The following AFF3 variants were observed in gnomAD, a reference collection of about 807,000 sequenced individuals.
AFF3 encodes AF4/FMR2 family member 3.
Under a neutral mutation model 129.7 loss-of-function variants are expected in AFF3, and 32 were observed. The observed-to-expected ratio is 0.25, with a 90% CI of 0.19 to 0.33. AFF3 has a LOEUF of 0.33. AFF3 is among the 10% of genes least tolerant of loss of function. The pLI, the probability that AFF3 is intolerant of heterozygous loss-of-function variation, is 1.00. For synonymous variants in AFF3, 644 were observed against 635.4 expected (o/e 1.01, Z -0.20); for missense variants, 1,373 against 1,592.0 (o/e 0.86, Z 2.34).
chr2:99,869,532 A>T (rs552685617), intron 7 of AFF3, among the ~76,000 whole-genome samples: 25 of 152,298 alleles, frequency 1.6e-4, no homozygotes, highest in Admixed American at 1.6e-3. Context: ...GGAAATTATG[A>T]AGTTTGGGGA....
intron 4 of AFF3, among the ~76,000 whole-genome samples, chr2:100,084,938 T>C (rs574112318): frequency 2.7e-5 from 4 of 149,452 alleles, no homozygotes; most frequent in East Asian, 4.0e-4. Context: ...AGTGTTTTCA[T>C]TGGTTGTCCA....
intron 4 of AFF3, among the ~76,000 whole-genome samples, chr2:100,012,106 G>T (rs768436534): frequency 2.6e-5 from 4 of 152,030 alleles, no homozygotes; most frequent in Non-Finnish European, 5.9e-5. Flanking sequence ...ACACCCTCAG[G>T]ACCACTTACT....
intron 12 of AFF3, among the ~76,000 whole-genome samples, chr2:99,652,701 A>G (rs1163756517): frequency 1.3e-5 from 2 of 152,130 alleles, no homozygotes; most frequent in African/African-American, 4.8e-5. Context: ...CCTCCGGCTT[A>G]GTTTCCAAAC....
chr2:100,047,017 T>TA (rs1447888035), intron 4 of AFF3, among the ~76,000 whole-genome samples: 2 of 130,024 alleles, frequency 1.5e-5, no homozygotes, highest in African/African-American at 2.9e-5. Flanking sequence ...ACTTTAAAAA[T>TA]ACAGATCTAC....
At chr2:99,883,746 T>G (rs1692900664) in intron 7 of AFF3, among the ~76,000 whole-genome samples, 2 of 152,234 alleles carry the variant, frequency 1.3e-5, no homozygotes, top group South Asian at 4.1e-4. Context: ...CAGAGAGCCT[T>G]CTACTGAGTC....
rs371950135 is a variant in AFF3 at position 99,872,170 on chromosome 2, C to G, written c.874-34646G>C. ...GCAGTGAGCCGAGATCGCGCCACTGCACTCTCCAGCCTGGGCAACACAGCG... is the reference window on the plus strand; with the variant it reads ...GCAGTGAGCCGAGATCGCGCCACTGGACTCTCCAGCCTGGGCAACACAGCG... On this transcript the variant is annotated intron_variant, in intron 7 of 24. Transcript: ENST00000672756. 1.6e-4 allele frequency among the ~76,000 whole-genome samples: 22 copies of G among 134,292 alleles called. 1 individual carries two copies. In the East Asian group the frequency reaches 5.0e-3, roughly 31 times the overall value. The allele number at this position is 134,292 out of a possible 152,430, so 88.1% of individuals were successfully genotyped here.
intron 4 of AFF3, among the ~76,000 whole-genome samples, chr2:100,055,416 C>T (rs1686682512): frequency 1.3e-5 from 2 of 150,008 alleles, no homozygotes; most frequent in South Asian, 2.1e-4. Context: ...CCCTCCTGGC[C>T]AGTGGTCTCC....
At chr2:100,029,607 TAGTC>T (rs1423332514) in intron 4 of AFF3, among the ~76,000 whole-genome samples, 3 of 151,916 alleles carry the variant, frequency 2.0e-5, no homozygotes, top group African/African-American at 7.3e-5. Context: ...GAACCTAGGG[TAGTC>T]AAATTCATTG....
At chr2:99,821,755 AT>A (rs1192216467) in intron 8 of AFF3, among the ~76,000 whole-genome samples, 1 of 152,188 alleles carries the variant, frequency 6.6e-6, no homozygotes, top group African/African-American at 2.4e-5. Flanking sequence ...GCAGTGAGTA[AT>A]GCCTTGTGCT....
At chr2:100,118,741 T>C (rs183781893) in intron 2 of AFF3, among the ~76,000 whole-genome samples, 5 of 152,252 alleles carry the variant, frequency 3.3e-5, no homozygotes, top group Non-Finnish European at 7.4e-5. Context: ...GTTTATGCTG[T>C]AGAACTCAGC....
chr2:99,600,971 CCTT>C (rs1242719656), intron 14 of AFF3, among the ~76,000 whole-genome samples: 5 of 152,144 alleles, frequency 3.3e-5, no homozygotes, highest in East Asian at 3.9e-4. Context: ...TATTTATAGC[CCTT>C]CTTCTTCTGA....
In AFF3 at chr2:99,546,096, G is replaced by A. The variant is rs1674066064; in HGVS notation, c.*5378C>T. 2 of 227,480 alleles carry A rather than the reference G, an allele frequency of 8.8e-6. No individual in the cohort carries two copies. The highest frequency in any genetic ancestry group is 5.7e-5 in the Admixed American group (1 of 17,586). The allele number at this position is 227,480 out of a possible 1,614,324, so 14.1% of individuals were successfully genotyped here. A position where few individuals can be genotyped will look rare whatever the true frequency, so the allele number is the denominator to read the frequency against. On this transcript the variant is annotated 3_prime_UTR_variant, in exon 25 of 25. Coordinates refer to ENST00000672756, the MANE Select transcript of AFF3 (RefSeq NM_001386135.1). ...TTGGAAGTGCAGTTTATGTGGTCAG[G>A]TTGTTTTTCCCCTTTCATTAAAAAA...
chr2:99,577,295 C>G (rs549333418), intron 18 of AFF3, among the ~76,000 whole-genome samples: 1 of 152,104 alleles, frequency 6.6e-6, no homozygotes. Flanking sequence ...GATGGAGGAG[C>G]GGGGCGGACG....
chr2:99,898,301 C>T (rs192785525), intron 7 of AFF3, among the ~76,000 whole-genome samples: 27 of 152,332 alleles, frequency 1.8e-4, no homozygotes, highest in Admixed American at 1.4e-3. Flanking sequence ...ACGTCAAACG[C>T]CATATGGGAT....
chr2:99,648,396 A>G (rs1684885242), intron 13 of AFF3, among the ~76,000 whole-genome samples: 1 of 152,184 alleles, frequency 6.6e-6, no homozygotes, highest in Non-Finnish European at 1.5e-5. Flanking sequence ...AGAAATGACT[A>G]TGTTATATTC....
chr2:99,881,955 T>G (rs946585540), intron 7 of AFF3, among the ~76,000 whole-genome samples: 2 of 152,196 alleles, frequency 1.3e-5, no homozygotes, highest in African/African-American at 4.8e-5. Context: ...CAGAAGTGAC[T>G]GAACAGCTCT....
At chr2:99,805,307 TTAAG>T (rs1686252933) in intron 8 of AFF3, among the ~76,000 whole-genome samples, 1 of 152,186 alleles carries the variant, frequency 6.6e-6, no homozygotes, top group Admixed American at 6.5e-5. Flanking sequence ...CTCTCTTCGT[TTAAG>T]TTCAACTTAA....
rs141898950 is a variant in AFF3, at chr2:99,720,274, T to C, written c.1091+6803A>G. ...GAGGGTGGTGTCTGGGTCATGGGCA[T>C]GGATGCCTCATAAACAGATTAATGT... is the stretch of plus-strand genomic sequence containing the variant. On this transcript the variant is annotated intron_variant, in intron 11 of 24. Coordinates refer to ENST00000672756, the MANE Select transcript of AFF3 (RefSeq NM_001386135.1). Among the ~76,000 whole-genome samples, 106 of 152,268 alleles carry C rather than the reference T, an allele frequency of 7.0e-4. 1 individual carries two copies. The highest frequency in any genetic ancestry group is 2.3e-3 in the African/African-American group (96 of 41,548).
intron 4 of AFF3, among the ~76,000 whole-genome samples, chr2:100,045,116 T>C (rs1318437469): frequency 6.7e-6 from 1 of 150,250 alleles, no homozygotes; most frequent in Non-Finnish European, 1.5e-5. Flanking sequence ...GGAAGAGAAA[T>C]GAAAGGAAGG....
Sources: gnomAD v4.1 joint callset for allele counts (sites outside exome capture counted in the v4.1 genomes callset) on GRCh38, gnomAD v4.1.1 for gene constraint, MANE v1.5 for transcripts, NCBI Gene and HGNC (gene_info 2026-07-23, HGNC 2026-07-21) for gene names.